Variants in RBFOX1 observed in about 807,000 individuals in gnomAD.
RBFOX1 encodes RNA binding protein fox-1 homolog 1.
RBFOX1 carries 8 observed loss-of-function variants against 57.7 expected under a neutral mutation model. The ratio of observed to expected loss-of-function variants is 0.14; its 90% CI spans 0.08 to 0.25. RBFOX1 has a LOEUF of 0.25. Among genes scored for constraint, RBFOX1 ranks in the 10% least tolerant of loss-of-function variants. RBFOX1 has a pLI of 1.00. For missense variants in RBFOX1, 611 were observed against 548.5 expected (o/e 1.11, Z -1.14); for synonymous variants, 326 against 222.4 (o/e 1.47, Z -4.15).
At chr16:6,990,056 CT>C (rs1183035713) in intron 3 of RBFOX1, among the ~76,000 whole-genome samples, 1 of 152,128 alleles carries the variant, frequency 6.6e-6, no homozygotes, top group Non-Finnish European at 1.5e-5. Flanking sequence ...TTTAGCTCCC[CT>C]GTACTAGAAT....
intron 1 of RBFOX1, among the ~76,000 whole-genome samples, chr16:6,228,442 C>G (rs1171729406): frequency 6.6e-6 from 1 of 152,046 alleles, no homozygotes; most frequent in Non-Finnish European, 1.5e-5. Context: ...CACACACACA[C>G]ACACATACAT....
intron 3 of RBFOX1, among the ~76,000 whole-genome samples, chr16:6,794,192 C>T (rs1005037954): frequency 6.6e-6 from 1 of 151,386 alleles, no homozygotes; most frequent in African/African-American, 2.4e-5. Flanking sequence ...GAAGTTGATG[C>T]GGGATTACTG....
intron 2 of RBFOX1, among the ~76,000 whole-genome samples, chr16:6,512,074 C>A (rs1598573483): frequency 1.3e-5 from 2 of 150,544 alleles, no homozygotes; most frequent in East Asian, 3.9e-4. Context: ...AGTTCAAGAC[C>A]AGTGTATGCA....
chr16:6,495,111 T>C (rs990614265), intron 2 of RBFOX1, among the ~76,000 whole-genome samples: 1 of 151,966 alleles, frequency 6.6e-6, no homozygotes, highest in African/African-American at 2.4e-5. Flanking sequence ...CGCTTTCTTT[T>C]GTTTGTTTAT....
At chr16:7,284,200 C>T (rs1235347354) in intron 4 of RBFOX1, among the ~76,000 whole-genome samples, 2 of 152,162 alleles carry the variant, frequency 1.3e-5, no homozygotes, top group Non-Finnish European at 2.9e-5. Context: ...GTGTTGTTTC[C>T]AGTTTTTGCT....
At chr16:6,483,641 G>A (rs2095411594) in intron 2 of RBFOX1, 3 of 1,306,856 alleles carry the variant, frequency 2.3e-6, no homozygotes, top group Non-Finnish European at 3.0e-6. Context: ...AGCTTCTGCA[G>A]AGGCTTCCTG....
intron 1 of RBFOX1, among the ~76,000 whole-genome samples, chr16:6,191,690 T>C (rs1004521680): frequency 1.4e-4 from 21 of 152,194 alleles, no homozygotes; most frequent in South Asian, 4.2e-4. Flanking sequence ...CTTTTTATGG[T>C]GATTTGGAGT....
chr16:5,816,899 T>A (rs1044113326), intron 3 of RBFOX1, among the ~76,000 whole-genome samples: 1 of 152,210 alleles, frequency 6.6e-6, no homozygotes, highest in Non-Finnish European at 1.5e-5. Context: ...GTGTACATAT[T>A]TATGGAGTAC....
chr16:5,336,044 C>A (rs1567350699), intron 1 of RBFOX1, among the ~76,000 whole-genome samples: 1 of 152,126 alleles, frequency 6.6e-6, no homozygotes, highest in South Asian at 2.1e-4. Flanking sequence ...AAGTGACTTC[C>A]TCAAGGTACC....
chr16:6,077,126 C>T (rs74004720), intron 1 of RBFOX1, among the ~76,000 whole-genome samples: 57,681 of 151,842 alleles, frequency 0.38, 12,076 homozygotes, highest in Non-Finnish European at 0.49. Context: ...ATGGGGATGA[C>T]GACTTTAAAT....
At chr16:7,602,437 G>C (rs1015098145) in intron 9 of RBFOX1, among the ~76,000 whole-genome samples, 15 of 152,162 alleles carry the variant, frequency 9.9e-5, no homozygotes, top group African/African-American at 3.6e-4. Context: ...TTCTCCTTTT[G>C]TTGTAAGCCT....
intron 4 of RBFOX1, among the ~76,000 whole-genome samples, chr16:7,188,524 G>A (rs2084486964): frequency 6.6e-6 from 1 of 152,142 alleles, no homozygotes; most frequent in South Asian, 2.1e-4. Context: ...GTGTGTGTGG[G>A]TGTCTGCACC....
chr16:6,164,131 C>G (rs970656067), intron 1 of RBFOX1, among the ~76,000 whole-genome samples: 1 of 152,076 alleles, frequency 6.6e-6, no homozygotes, highest in Admixed American at 6.5e-5. Context: ...TATTCTGTGA[C>G]CATACGTTTT....
At chr16:6,014,548 A>G (rs1033041319), upstream of RBFOX1, among the ~76,000 whole-genome samples, 5 of 152,192 alleles carry the variant, frequency 3.3e-5, no homozygotes, top group African/African-American at 1.2e-4. Context: ...TATATTGAGT[A>G]TCTGCCATGT....
chr16:6,910,340 C>T (rs1225565939), intron 3 of RBFOX1, among the ~76,000 whole-genome samples: 1 of 152,168 alleles, frequency 6.6e-6, no homozygotes, highest in Non-Finnish European at 1.5e-5. Context: ...GTCTTTTCCA[C>T]TCCCCGTCTC....
intron 1 of RBFOX1, among the ~76,000 whole-genome samples, chr16:6,282,475 C>T (rs146910877): frequency 2.0e-5 from 3 of 151,604 alleles, no homozygotes; most frequent in African/African-American, 7.3e-5. Flanking sequence ...ACCTGTCAAC[C>T]TGTCATCTAG....
chr16:5,409,924 T>G (rs2066970623), intron 1 of RBFOX1, among the ~76,000 whole-genome samples: 1 of 151,782 alleles, frequency 6.6e-6, no homozygotes, highest in Non-Finnish European at 1.5e-5. Context: ...GGCGGACACC[T>G]GTAATCCCAG....
At chr16:6,568,547 G>A (rs1294434456) in intron 2 of RBFOX1, among the ~76,000 whole-genome samples, 2 of 152,108 alleles carry the variant, frequency 1.3e-5, no homozygotes, top group Non-Finnish European at 2.9e-5. Flanking sequence ...TGGAACTCTT[G>A]TACAGTGTGG....
chr16:7,565,045 C>G (rs550944063), intron 5 of RBFOX1, among the ~76,000 whole-genome samples: 113 of 152,262 alleles, frequency 7.4e-4, no homozygotes, highest in African/African-American at 2.4e-3. Flanking sequence ...GCCGACGGAG[C>G]TCAAATGAAA....
Sources: allele counts gnomAD v4.1 joint callset (sites outside exome capture counted in the v4.1 genomes callset), GRCh38; gene constraint gnomAD v4.1.1; transcripts MANE v1.5; gene names NCBI Gene and HGNC (gene_info 2026-07-23, HGNC 2026-07-21).